Variants in PAH observed in about 807,000 individuals in gnomAD.
The protein encoded by PAH is phenylalanine-4-hydroxylase.
PAH carries 64 observed loss-of-function variants against 62.0 expected under a neutral mutation model. The observed-to-expected ratio is 1.03, with a 90% confidence interval of 0.84 to 1.27. PAH has a LOEUF of 1.27. Among genes scored for constraint, PAH ranks in the 50% most tolerant of loss-of-function variants. The probability of loss-of-function intolerance (pLI) is 0.00; values close to 1 mark genes in which losing one functional copy is unlikely to be tolerated. For missense variants in PAH, 579 were observed against 542.8 expected (o/e 1.07, Z -0.66); for synonymous variants, 195 against 196.2 (o/e 0.99, Z 0.05).
upstream of PAH, among the ~76,000 whole-genome samples, chr12:102,917,835 G>C (rs1878448417): frequency 6.6e-6 from 1 of 152,210 alleles, no homozygotes; most frequent in Non-Finnish European, 1.5e-5. Context: ...GAGGGTGGTA[G>C]AGCCACCTTG....
rs9782 is a variant in PAH at position 102,958,048 on chromosome 12, T to C, written c.-96+147A>G. Reference sequence around the variant, plus strand: ...CAGGGAGGAGAAAAAGCATTTTCACTTTTTTTGCTCCCACTCTAAGAAGTC... The same window carrying C: ...CAGGGAGGAGAAAAAGCATTTTCACCTTTTTTGCTCCCACTCTAAGAAGTC... On this transcript the variant is annotated intron_variant, in intron 1 of 4. Transcript: ENST00000551337. 130,834 of 407,558 alleles carry C rather than the reference T, an allele frequency of 0.32. 22,585 individuals carry two copies. The highest frequency in any genetic ancestry group is 0.5 in the African/African-American group (24,273 of 48,330). The allele number at this position is 407,558 out of a possible 1,614,324, so 25.2% of individuals were successfully genotyped here.
chr12:102,851,235 C>T (rs1026308764), intron 8 of PAH, among the ~76,000 whole-genome samples: 2 of 152,028 alleles, frequency 1.3e-5, no homozygotes, highest in African/African-American at 4.8e-5. Context: ...TCTTTGTTAA[C>T]TCTAAGTCAG....
At chr12:102,945,109 T>A (rs1208684720) in intron 1 of PAH, 1 of 152,222 alleles carries the variant, frequency 6.6e-6, no homozygotes, top group African/African-American at 2.4e-5. Context: ...CCTTACTTCC[T>A]CCCAGATGAA....
At chr12:102,846,864 C>A (rs1413507698) in intron 9 of PAH, 31 bp downstream of exon 9, 12 of 1,590,332 alleles carry the variant, frequency 7.5e-6, no homozygotes, top group Non-Finnish European at 1.0e-5. Context: ...TATAGCACTC[C>A]ACCATCCACC....
In PAH at chr12:102,877,517, T is replaced by C. The variant is rs199475623; in HGVS notation, c.386A>G (p.Asp129Gly). Residue 129 changes from aspartate (D) to glycine (G), a missense_variant, in exon 4 of 13, where the codon GAC becomes GGC. By Grantham distance (94) the Asp-to-Gly change is moderately conservative. Transcript: ENST00000553106. ...PWFPRTIQEL[D>G]RFANQILSYG... ...GCTGAGAATCTGATTGGCAAATCTGTCCAGCTCTTGAATGGTTCTTGGGAA... is the reference window on the plus strand; with the variant it reads ...GCTGAGAATCTGATTGGCAAATCTGCCCAGCTCTTGAATGGTTCTTGGGAA... The C allele has an allele frequency of 3.1e-6, 5 of 1,614,000 alleles. No homozygotes were observed. Among genetic ancestry groups the C allele is most frequent in the Non-Finnish European group, 4.2e-6 (5 of 1,180,010 alleles).
chr12:102,840,036 A>G (rs886690270), intron 12 of PAH, among the ~76,000 whole-genome samples: 9 of 152,194 alleles, frequency 5.9e-5, no homozygotes, highest in African/African-American at 2.2e-4. Flanking sequence ...CAGATGAGCC[A>G]CTGGACAGCT....
At chr12:102,850,643 C>T (rs549241865) in intron 8 of PAH, among the ~76,000 whole-genome samples, 2 of 152,142 alleles carry the variant, frequency 1.3e-5, no homozygotes, top group Non-Finnish European at 2.9e-5. Flanking sequence ...TAATGTAACC[C>T]CAGGTCACAC....
intron 2 of PAH, among the ~76,000 whole-genome samples, chr12:102,901,354 AATAAAG>A (rs1397998928): frequency 6.6e-6 from 1 of 152,230 alleles, no homozygotes; most frequent in Non-Finnish European, 1.5e-5. Context: ...CTGTGTTTAA[AATAAAG>A]ATAATTTTAC....
chr12:102,932,038 G>A (rs1307491717), intron 1 of PAH, among the ~76,000 whole-genome samples: 1 of 152,142 alleles, frequency 6.6e-6, no homozygotes, highest in Non-Finnish European at 1.5e-5. Context: ...AAAAAGTGAT[G>A]TTAGGAAAGG....
chr12:102,950,266 C>G (rs1047211356), intron 1 of PAH: 1 of 152,278 alleles, frequency 6.6e-6, no homozygotes, highest in Non-Finnish European at 1.5e-5. Context: ...CCTGCCCGTG[C>G]TGCAAATACT....
intron 6 of PAH, 186 bp downstream of exon 6, chr12:102,854,950 A>G: frequency 1.5e-6 from 1 of 673,108 alleles, no homozygotes; most frequent in East Asian, 2.7e-5. Context: ...GGATAAACAC[A>G]GTAGGGGCTG....
At chr12:102,905,668 G>A (rs909518382) in intron 2 of PAH, among the ~76,000 whole-genome samples, 1 of 151,804 alleles carries the variant, frequency 6.6e-6, no homozygotes, top group African/African-American at 2.4e-5. Context: ...GTATGGCATC[G>A]CTGACTCCCC....
chr12:102,896,178 G>A (rs966022388), intron 2 of PAH, among the ~76,000 whole-genome samples: 1 of 152,082 alleles, frequency 6.6e-6, no homozygotes, highest in Non-Finnish European at 1.5e-5. Context: ...ACTAAATAGG[G>A]CAGGCACATG....
intron 5 of PAH, among the ~76,000 whole-genome samples, chr12:102,860,715 CA>C (rs1875677289): frequency 1.3e-5 from 2 of 152,154 alleles, no homozygotes; most frequent in South Asian, 2.1e-4. Flanking sequence ...ACAAACCTGA[CA>C]AAAACAAGAA....
upstream of PAH, chr12:102,958,393 C>CGCAGCAGCAGCAGCAGCAGCA (rs3832799): frequency 1.9e-4 from 279 of 1,507,144 alleles, no homozygotes; most frequent in African/African-American, 2.4e-3. Flanking sequence ...GCGCAGAGCG[C>CGCAGCAGCAGCAGCAGCAGCA]GCAGCAGCAG....
At chr12:102,940,687 C>T (rs1036345233) in intron 1 of PAH, among the ~76,000 whole-genome samples, 4 of 152,206 alleles carry the variant, frequency 2.6e-5, no homozygotes, top group Non-Finnish European at 4.4e-5. Context: ...ACAGACCTAA[C>T]TTATGAGTCA....
At chr12:102,840,282 C>A in intron 12 of PAH, 118 bp downstream of exon 12, 1 of 721,964 alleles carries the variant, frequency 1.4e-6, no homozygotes, top group Non-Finnish European at 2.5e-6. Flanking sequence ...CATGGAGGTG[C>A]TTTTCTCCTT....
chr12:102,917,131 G>C lies in PAH; in HGVS notation c.-1C>G. 6.2e-7 allele frequency: 1 copy of C among 1,614,150 alleles called. No homozygotes were observed. The highest frequency in any genetic ancestry group is 8.5e-7 in the Non-Finnish European group (1 of 1,179,986). ...GGTTTTCCAGGACCGCAGTGGACAT[G>C]CTGGCTCCCCGGGAGTGAGGTCTCT... On this transcript the variant is annotated 5_prime_UTR_variant, in exon 1 of 13. Coordinates refer to ENST00000553106, the MANE Select transcript of PAH (RefSeq NM_000277.3).
At chr12:102,929,117 C>T (rs1330794270) in intron 1 of PAH, among the ~76,000 whole-genome samples, 1 of 152,130 alleles carries the variant, frequency 6.6e-6, no homozygotes, top group Non-Finnish European at 1.5e-5. Flanking sequence ...TTTGCTTCCC[C>T]TTCCACCATG....
Sources: allele counts gnomAD v4.1 joint callset (sites outside exome capture counted in the v4.1 genomes callset), GRCh38; gene constraint gnomAD v4.1.1; transcripts MANE v1.5; gene names NCBI Gene and HGNC (gene_info 2026-07-23, HGNC 2026-07-21).